KCNJ6: variants seen among roughly 807,000 people sequenced by gnomAD.
The protein encoded by KCNJ6 is potassium inwardly rectifying channel subfamily J member 6.
KCNJ6 carries 9 observed loss-of-function variants against 34.2 expected under a neutral mutation model. The ratio of observed to expected loss-of-function variants is 0.26; its 90% confidence interval spans 0.16 to 0.46. KCNJ6 has a LOEUF of 0.46. KCNJ6 is among the 20% of genes least tolerant of loss of function. The pLI is 1.00. For synonymous variants in KCNJ6, 196 were observed against 207.1 expected (o/e 0.95, Z 0.46); for missense variants, 236 against 531.3 (o/e 0.44, Z 5.46).
At chr21:37,788,966 G>A (rs1196291701) in intron 2 of KCNJ6, among the ~76,000 whole-genome samples, 2 of 152,144 alleles carry the variant, frequency 1.3e-5, no homozygotes, top group South Asian at 2.1e-4. Context: ...GACCGGTATT[G>A]TAGAGTCATC....
At chr21:37,885,109 C>T (rs2055728837) in intron 1 of KCNJ6, among the ~76,000 whole-genome samples, 1 of 152,214 alleles carries the variant, frequency 6.6e-6, no homozygotes, top group Admixed American at 6.5e-5. Context: ...TCTGTCCATC[C>T]TATCCCTGGA....
rs1364063948 is a variant in KCNJ6 at position 37,675,484 on chromosome 21, T to G, written c.946+38727A>C. On this transcript the variant is annotated intron_variant, in intron 3 of 3. Coordinates refer to ENST00000609713, the MANE Select transcript of KCNJ6 (RefSeq NM_002240.5). The surrounding 1 kb of genome is among the most constrained non-coding windows in gnomAD (Gnocchi z 4.2). Reference sequence around the variant, plus strand: ...TGACCGCGCTGGGGATGAGCACCACTGTCATCGCGGGGACCCTCGGGCTGC... The same window carrying G: ...TGACCGCGCTGGGGATGAGCACCACGGTCATCGCGGGGACCCTCGGGCTGC... Among the ~76,000 whole-genome samples, 1 of 152,222 alleles carries G rather than the reference T, an allele frequency of 6.6e-6. No homozygotes were observed. Among genetic ancestry groups the G allele is most frequent in the East Asian group, 1.9e-4 (1 of 5,184 alleles).
intron 3 of KCNJ6, among the ~76,000 whole-genome samples, chr21:37,673,533 C>T (rs2054551184): frequency 6.6e-6 from 1 of 152,224 alleles, no homozygotes; most frequent in Non-Finnish European, 1.5e-5. Flanking sequence ...CTTTTCCTGG[C>T]CCAGTGGCTG....
At chr21:37,753,060 G>A (rs149586774) in intron 2 of KCNJ6, among the ~76,000 whole-genome samples, 3 of 152,300 alleles carry the variant, frequency 2.0e-5, no homozygotes, top group East Asian at 1.9e-4. Flanking sequence ...GGAAGGCCTC[G>A]GAGCTGGGGA....
chr21:37,657,880 C>T lies in KCNJ6; in HGVS notation c.947-32396G>A, dbSNP rs139743016. Among the ~76,000 whole-genome samples, 406 of 152,336 alleles carry T rather than the reference C, an allele frequency of 2.7e-3. 2 individuals are homozygous for T. The highest frequency in any genetic ancestry group is 7.7e-3 in the South Asian group (37 of 4,830). On this transcript the variant is annotated intron_variant, in intron 3 of 3. Transcript: ENST00000609713. ...CGGCATCTGAGAAATCAGTATTTCA[C>T]GACGGTGTCTTTCCAGTGATGGTTC...
intron 3 of KCNJ6, among the ~76,000 whole-genome samples, chr21:37,689,483 C>T (rs1185296031): frequency 1.3e-5 from 2 of 152,148 alleles, no homozygotes; most frequent in African/African-American, 4.8e-5. Flanking sequence ...TTATCAGAGC[C>T]TCCCAATAGA....
At chr21:37,694,513 A>C (rs1208793709) in intron 3 of KCNJ6, among the ~76,000 whole-genome samples, 1 of 152,198 alleles carries the variant, frequency 6.6e-6, no homozygotes. Flanking sequence ...ATCAAGCTAC[A>C]TGTGTGGCCC....
At chr21:37,813,792 T>C (rs770465520) in intron 2 of KCNJ6, among the ~76,000 whole-genome samples, 12 of 152,164 alleles carry the variant, frequency 7.9e-5, no homozygotes, top group Non-Finnish European at 1.8e-4. Flanking sequence ...CCTCAAGCTA[T>C]AAAACTACCA....
chr21:37,786,528 C>A (rs2055193376), intron 2 of KCNJ6, among the ~76,000 whole-genome samples: 1 of 152,234 alleles, frequency 6.6e-6, no homozygotes, highest in Non-Finnish European at 1.5e-5. Context: ...GTGTGCCCCA[C>A]AATTCAGCTG....
At chr21:37,892,666 A>G (rs2055767692) in intron 1 of KCNJ6, among the ~76,000 whole-genome samples, 1 of 152,084 alleles carries the variant, frequency 6.6e-6, no homozygotes, top group Non-Finnish European at 1.5e-5. Context: ...TGGGGAGGCA[A>G]GTTGGGAAAA....
At chr21:37,865,293 A>G (rs1194944014) in intron 1 of KCNJ6, among the ~76,000 whole-genome samples, 2 of 152,246 alleles carry the variant, frequency 1.3e-5, no homozygotes, top group East Asian at 3.8e-4. Context: ...CTTGATACGA[A>G]AAACAGAAGT....
At chr21:37,643,918 T>G (rs2054392398) in intron 3 of KCNJ6, among the ~76,000 whole-genome samples, 1 of 152,204 alleles carries the variant, frequency 6.6e-6, no homozygotes, top group African/African-American at 2.4e-5. Context: ...CAAAGACACA[T>G]GCATGTGTAG....
At chr21:37,816,653 T>C (rs2055348437) in intron 2 of KCNJ6, among the ~76,000 whole-genome samples, 1 of 152,202 alleles carries the variant, frequency 6.6e-6, no homozygotes, top group Non-Finnish European at 1.5e-5. Context: ...TCTGTGGCTA[T>C]AGCAGTGAAA....
chr21:37,889,647 C>A (rs986779731), intron 1 of KCNJ6, among the ~76,000 whole-genome samples: 1 of 152,158 alleles, frequency 6.6e-6, no homozygotes, highest in South Asian at 2.1e-4. Flanking sequence ...GGGCCACACT[C>A]CCTCTGAAGG....
At chr21:37,913,649 C>T (rs1261878910) in intron 1 of KCNJ6, among the ~76,000 whole-genome samples, 1 of 152,116 alleles carries the variant, frequency 6.6e-6, no homozygotes, top group Non-Finnish European at 1.5e-5. Context: ...GAAACCCCGT[C>T]TCTACTAAAA....
At chr21:37,850,304 T>A (rs1227183041) in intron 1 of KCNJ6, among the ~76,000 whole-genome samples, 3 of 151,784 alleles carry the variant, frequency 2.0e-5, no homozygotes, top group African/African-American at 7.3e-5. Flanking sequence ...AGAACAGGGG[T>A]CCCCAAACCC....
intron 3 of KCNJ6, among the ~76,000 whole-genome samples, chr21:37,686,475 TTTTTTTTTTG>T (rs1364514304): frequency 9.0e-6 from 1 of 111,448 alleles, no homozygotes; most frequent in African/African-American, 3.1e-5. Flanking sequence ...TTTTTTTTTT[TTTTTTTTTTG>T]GAGATGGAGT....
chr21:37,765,524 C>T (rs943800284), intron 2 of KCNJ6, among the ~76,000 whole-genome samples: 2 of 152,122 alleles, frequency 1.3e-5, no homozygotes, highest in African/African-American at 4.8e-5. Context: ...GCCCCCTTTG[C>T]CTCCCAGCCC....
chr21:37,718,499 T>A (rs2054806459), intron 2 of KCNJ6, among the ~76,000 whole-genome samples: 1 of 152,186 alleles, frequency 6.6e-6, no homozygotes, highest in Non-Finnish European at 1.5e-5. Context: ...AGTCTGGGGT[T>A]AATTAAATGC....
Sources: allele counts gnomAD v4.1 joint callset (sites outside exome capture counted in the v4.1 genomes callset), GRCh38; gene constraint gnomAD v4.1.1; non-coding constraint Gnocchi (gnomAD v3.1); transcripts MANE v1.5; gene names NCBI Gene and HGNC (gene_info 2026-07-23, HGNC 2026-07-21).